Variants in CACNB2 observed in about 807,000 individuals in gnomAD.
CACNB2 encodes calcium voltage-gated channel auxiliary subunit beta 2.
In CACNB2, 42 loss-of-function variants were observed where a neutral mutation model predicts 73.3. The ratio of observed to expected loss-of-function variants is 0.57; its 90% CI spans 0.45 to 0.74. The LOEUF (loss-of-function observed/expected upper bound fraction) is 0.74. CACNB2 is among the 30% of genes least tolerant of loss of function. The pLI, the probability that CACNB2 is intolerant of heterozygous loss-of-function variation, is 0.00. For missense variants in CACNB2, 940 were observed against 853.0 expected (o/e 1.10, Z -1.27); for synonymous variants, 348 against 310.3 (o/e 1.12, Z -1.28).
intron 10 of CACNB2, among the ~76,000 whole-genome samples, chr10:18,531,264 T>G (rs1035929181): frequency 3.3e-5 from 5 of 152,158 alleles, no homozygotes; most frequent in Admixed American, 6.5e-5. Context: ...TTTTTGTTTT[T>G]TAACTTTTAA....
At chr10:18,261,240 C>T in intron 2 of CACNB2, 1 of 1,550,732 alleles carries the variant, frequency 6.4e-7, no homozygotes, top group Non-Finnish European at 8.7e-7. Context: ...TTGGTGAAGC[C>T]ACACGCTGAC....
intron 10 of CACNB2, among the ~76,000 whole-genome samples, chr10:18,528,315 G>T (rs2052677759): frequency 6.6e-6 from 1 of 152,052 alleles, no homozygotes; most frequent in African/African-American, 2.4e-5. Flanking sequence ...GATGGTATGT[G>T]GATACTGCTT....
chr10:18,264,150 A>T (rs1230501683), intron 2 of CACNB2, among the ~76,000 whole-genome samples: 2 of 152,052 alleles, frequency 1.3e-5, no homozygotes, highest in Non-Finnish European at 2.9e-5. Context: ...AGAGACACTA[A>T]CTCTTTTTGG....
At chr10:18,255,817 G>T (rs2037262566) in intron 2 of CACNB2, among the ~76,000 whole-genome samples, 1 of 152,194 alleles carries the variant, frequency 6.6e-6, no homozygotes, top group African/African-American at 2.4e-5. Flanking sequence ...CCACAGAAAA[G>T]CCAGAAGCAC....
chr10:18,324,635 T>G (rs2040513852), intron 2 of CACNB2, among the ~76,000 whole-genome samples: 1 of 152,244 alleles, frequency 6.6e-6, no homozygotes, highest in Admixed American at 6.5e-5. Context: ...GGTGGATCTC[T>G]TCTTAAAGTC....
chr10:18,224,757 T>C (rs76054662), intron 2 of CACNB2, among the ~76,000 whole-genome samples: 2,152 of 152,288 alleles, frequency 0.014, 54 homozygotes, highest in African/African-American at 0.049. Context: ...TTCAAGGTAA[T>C]AACTTTACTG....
intron 2 of CACNB2, among the ~76,000 whole-genome samples, chr10:18,249,352 T>TC (rs2036994855): frequency 6.6e-6 from 1 of 152,206 alleles, no homozygotes; most frequent in Admixed American, 6.5e-5. Flanking sequence ...AAGTGTCTTT[T>TC]GTTTTTCCTT....
chr10:18,539,353 C>G lies in CACNB2; in HGVS notation c.1612C>G (p.His538Asp), dbSNP rs774410173. Residue 538 changes from histidine to aspartate, a missense_variant, in exon 14 of 14, where the codon CAC becomes GAC. By Grantham distance (81) the His-to-Asp change is moderately conservative. Transcript: ENST00000324631. ...SQHRSSSSAP[H>D]HNHRSGTSRG... The stretch of plus-strand genomic sequence containing the variant: ...GCACCGCTCTTCCTCCTCAGCCCCA[C>G]ACCACAACCATCGCAGTGGGACAAG... The G allele has an allele frequency of 6.7e-5, 108 of 1,614,134 alleles. 8 individuals are homozygous for G. In the South Asian group the frequency reaches 1.2e-3, roughly 18 times the overall value.
At chr10:18,179,696 A>G (rs1339003160) in intron 2 of CACNB2, among the ~76,000 whole-genome samples, 1 of 151,712 alleles carries the variant, frequency 6.6e-6, no homozygotes, top group African/African-American at 2.4e-5. Context: ...ATGATGCCTG[A>G]TTGCATACCG....
intron 2 of CACNB2, among the ~76,000 whole-genome samples, chr10:18,352,613 A>G (rs2041755224): frequency 6.6e-6 from 1 of 152,200 alleles, no homozygotes; most frequent in South Asian, 2.1e-4. Context: ...TATTAATTAG[A>G]TGTCATTTTT....
In CACNB2 at chr10:18,264,061, G is replaced by A. The variant is rs183172746; in HGVS notation, c.213+113086G>A. On this transcript the variant is annotated intron_variant, in intron 2 of 13. Coordinates refer to ENST00000324631, the MANE Select transcript of CACNB2 (RefSeq NM_201596.3). ...GAATAAATACTCTTAAATTTAAAAG[G>A]ATATATAAACATGGTAAGCTCTGTG... 3.1e-4 allele frequency among the ~76,000 whole-genome samples: 47 copies of A among 152,272 alleles called. No individual in the cohort carries two copies. In the Middle Eastern group the frequency reaches 0.01, roughly 33 times the overall value.
rs1554820303 is a variant in CACNB2 at position 18,442,958 on chromosome 10, G to GTGTA, written c.333+40916_333+40917insGTAT. Among the ~76,000 whole-genome samples, 14 of 22,094 alleles carry GTGTA rather than the reference G, an allele frequency of 6.3e-4. 1 individual carries two copies. The highest frequency in any genetic ancestry group is 4.3e-3 in the South Asian group (2 of 470). The allele number at this position is 22,094 out of a possible 152,430, so 14.5% of individuals were successfully genotyped here. Reference sequence around the variant, plus strand: ...TATATATATGTGTATATATATATATGTATATATATATGTGTATATATATAT... The same window carrying GTGTA: ...TATATATATGTGTATATATATATATGTGTATATATATATATGTGTATATATATAT... On this transcript the variant is annotated intron_variant, in intron 3 of 13. Transcript: ENST00000324631.
At chr10:18,167,842 G>A (rs114184571) in intron 2 of CACNB2, among the ~76,000 whole-genome samples, 1,995 of 152,234 alleles carry the variant, frequency 0.013, 50 homozygotes, top group African/African-American at 0.045. Flanking sequence ...TTTAAGACAC[G>A]TGTCATATAT....
intron 2 of CACNB2, among the ~76,000 whole-genome samples, chr10:18,154,727 CA>C (rs975809657): frequency 1.4e-4 from 21 of 152,172 alleles, no homozygotes; most frequent in Non-Finnish European, 2.8e-4. Context: ...CTCGGCCTCC[CA>C]AAGTGCTGGG....
At chr10:18,197,860 A>G (rs1588678305) in intron 2 of CACNB2, among the ~76,000 whole-genome samples, 1 of 151,082 alleles carries the variant, frequency 6.6e-6, no homozygotes, top group East Asian at 1.9e-4. Flanking sequence ...TGCTGGAAAT[A>G]TATGAGCTTT....
chr10:18,540,019 G>T lies in CACNB2; in HGVS notation c.*295G>T. The T allele has an allele frequency of 3.0e-6, 1 of 332,790 alleles. No homozygotes were observed. The highest frequency in any genetic ancestry group is 5.6e-6 in the Non-Finnish European group (1 of 179,486). The allele number at this position is 332,790 out of a possible 1,614,324, so 20.6% of individuals were successfully genotyped here. A position where few individuals can be genotyped will look rare whatever the true frequency, so the allele number is the denominator to read the frequency against. On this transcript the variant is annotated 3_prime_UTR_variant, in exon 14 of 14. Transcript: ENST00000324631. ...CTTGAACAAAATCTGTTGCCACCCA[G>T]GTGATGTTAGTGTTTTAAGAAATGT...
chr10:18,207,594 A>G (rs1224942805), intron 2 of CACNB2, among the ~76,000 whole-genome samples: 5 of 152,246 alleles, frequency 3.3e-5, no homozygotes, highest in Non-Finnish European at 7.3e-5. Context: ...TATAGAAATC[A>G]TGTGTCACTT....
chr10:18,475,575 T>G (rs746148706), intron 3 of CACNB2, among the ~76,000 whole-genome samples: 2 of 152,204 alleles, frequency 1.3e-5, no homozygotes, highest in Non-Finnish European at 2.9e-5. Context: ...TTCCAAGATA[T>G]GGCTCCACTT....
intron 2 of CACNB2, among the ~76,000 whole-genome samples, chr10:18,377,942 T>C (rs2042868063): frequency 6.6e-6 from 1 of 152,198 alleles, no homozygotes; most frequent in Non-Finnish European, 1.5e-5. Context: ...AAATTATAAT[T>C]ATGATAGACA....
Sources: gnomAD v4.1 joint callset for allele counts (sites outside exome capture counted in the v4.1 genomes callset) on GRCh38, gnomAD v4.1.1 for gene constraint, MANE v1.5 for transcripts, NCBI Gene and HGNC (gene_info 2026-07-23, HGNC 2026-07-21) for gene names.